The following CLEC4C variants were observed in gnomAD, a reference collection of about 807,000 sequenced individuals.
CLEC4C encodes the protein C-type lectin domain family 4 member C, also known as C-type (calcium dependent, carbohydrate-recognition domain) lectin, superfamily member 11.
Under a neutral mutation model 27.7 loss-of-function variants are expected in CLEC4C, and 17 were observed. The observed-to-expected ratio is 0.61, with a 90% CI of 0.42 to 0.92. The LOEUF (loss-of-function observed/expected upper bound fraction) is 0.92, where lower values mean the gene tolerates loss of function less well. CLEC4C is among the 40% of genes least tolerant of loss of function. The pLI is 0.00. For missense variants in CLEC4C, 244 were observed against 257.3 expected (o/e 0.95, Z 0.35); for synonymous variants, 80 against 80.8 (o/e 0.99, Z 0.06).
At chr12:7,736,903 AAAAT>A (rs533526930) in intron 4 of CLEC4C, among the ~76,000 whole-genome samples, 2 of 151,730 alleles carry the variant, frequency 1.3e-5, no homozygotes, top group East Asian at 1.9e-4. Context: ...ACTCCGTCTC[AAAAT>A]AAATAAATAA....
rs1321400876 is a variant in CLEC4C, at chr12:7,741,478, C to G, written c.178G>C (p.Glu60Gln). Reference sequence around the variant, plus strand: ...AGGCTTGGATGATACTGTTGATACTCTCGTAACTTGGACAGCCTCTTGACA... The same window carrying G: ...AGGCTTGGATGATACTGTTGATACTGTCGTAACTTGGACAGCCTCTTGACA... ...KTVKRLSKLR[E>Q]YQQYHPSLTC... Residue 60 changes from glutamate to glutamine, a missense_variant, in exon 3 of 6, where the codon GAG (glutamate) becomes CAG (glutamine). Glu to Gln is a conservative substitution (Grantham distance 29, BLOSUM62 2). Coordinates refer to ENST00000360345, the MANE Select transcript of CLEC4C (RefSeq NM_001371390.1). 12 of 1,613,100 alleles carry G rather than the reference C, an allele frequency of 7.4e-6. No individual in the cohort carries two copies. Among genetic ancestry groups the G allele is most frequent in the South Asian group, 1.1e-5 (1 of 91,070 alleles).
intron 2 of CLEC4C, among the ~76,000 whole-genome samples, chr12:7,743,318 C>A (rs1565463561): frequency 2.6e-5 from 4 of 151,910 alleles, no homozygotes; most frequent in African/African-American, 9.7e-5. Flanking sequence ...AAAACGGTCT[C>A]TTTTGTTCAC....
At chr12:7,729,784 T>G in intron 5 of CLEC4C, 44 bp from the exon 6 acceptor site, 1 of 1,599,258 alleles carries the variant, frequency 6.3e-7, no homozygotes, top group Non-Finnish European at 8.6e-7. Flanking sequence ...AACCGTGGTT[T>G]GGAAAAGGTT....
rs774115262 is a variant in CLEC4C, at chr12:7,729,632, CTGAGGTACA to C, written c.597_605del (p.His199_Pro201del). ...TCTTCTTCATCTTGCAAATTGACTT[CTGAGGTACA>C]TGACAGTGAATGTCATTCCAGCCCC... On this transcript the variant is annotated inframe_deletion, in exon 6 of 6. Transcript: ENST00000360345. The C allele has an allele frequency of 1.9e-6, 3 of 1,613,706 alleles. No homozygotes were observed. The African/African-American group carries it at 4.0e-5, about 22-fold the overall frequency.
At chr12:7,748,753 C>T (rs768014787), upstream of CLEC4C, among the ~76,000 whole-genome samples, 13 of 152,108 alleles carry the variant, frequency 8.5e-5, no homozygotes, top group Admixed American at 8.5e-4. Flanking sequence ...GAGGGTATTC[C>T]TTTGAGTATA....
Position 7,746,441 on chromosome 12 carries a change from C to A in CLEC4C, c.32-18G>T. On this transcript the variant is annotated intron_variant, in intron 1 of 5. Coordinates refer to ENST00000360345, the MANE Select transcript of CLEC4C (RefSeq NM_001371390.1). ...TCCTTTCTCTGTCAGATCAGCATGA[C>A]AAATGCACAGTCATAATCCCCACTG... 6.5e-7 allele frequency: 1 copy of A among 1,542,560 alleles called. No individual in the cohort carries two copies. The highest frequency in any genetic ancestry group is 9.0e-7 in the Non-Finnish European group (1 of 1,115,684).
intron 2 of CLEC4C, among the ~76,000 whole-genome samples, chr12:7,743,998 G>A (rs754001969): frequency 6.6e-6 from 1 of 152,194 alleles, no homozygotes; most frequent in Non-Finnish European, 1.5e-5. Flanking sequence ...GGCAAGAGAG[G>A]GTGCAAGAGA....
intron 2 of CLEC4C, among the ~76,000 whole-genome samples, chr12:7,745,139 C>T (rs6488616): frequency 0.22 from 33,220 of 151,966 alleles, 4,331 homozygotes; most frequent in Admixed American, 0.31. Context: ...ATGGAAGTCC[C>T]AAGCTCCAAT....
At chr12:7,730,325 A>G (rs983598047) in intron 5 of CLEC4C, among the ~76,000 whole-genome samples, 3 of 152,010 alleles carry the variant, frequency 2.0e-5, no homozygotes, top group Admixed American at 1.3e-4. Context: ...ATCTGTACTA[A>G]AGTGCTTTAA....
chr12:7,735,136 G>A (rs1416409602), intron 4 of CLEC4C, among the ~76,000 whole-genome samples: 2 of 151,244 alleles, frequency 1.3e-5, no homozygotes, highest in African/African-American at 4.9e-5. Context: ...AGAAGTCAGA[G>A]GTTGCAGTGA....
upstream of CLEC4C, among the ~76,000 whole-genome samples, chr12:7,748,114 G>A (rs1865026712): frequency 6.6e-6 from 1 of 152,096 alleles, no homozygotes; most frequent in African/African-American, 2.4e-5. Flanking sequence ...CTACTCAAAT[G>A]GAGATGTTTG....
At chr12:7,742,830 T>C (rs1486589511) in intron 2 of CLEC4C, among the ~76,000 whole-genome samples, 2 of 90,204 alleles carry the variant, frequency 2.2e-5, no homozygotes, top group Non-Finnish European at 5.7e-5. Flanking sequence ...AATAAATAAA[T>C]AAATAAATAA....
Position 7,737,425 on chromosome 12 carries a change from A to G in CLEC4C, c.381+4T>C. The G allele has an allele frequency of 6.2e-7, 1 of 1,609,354 alleles. No homozygotes were observed. The highest frequency in any genetic ancestry group is 1.3e-5 in the African/African-American group (1 of 74,764). ...AGCTGACCACCTTGCCTGTTAGAAC[A>G]TACCTGTTCTTCCCTGGTGTTGATC... On this transcript the variant is annotated splice_donor_region_variant and intron_variant, in intron 4 of 5. Coordinates refer to ENST00000360345, the MANE Select transcript of CLEC4C (RefSeq NM_001371390.1).
At chr12:7,740,639 T>C (rs1864831259) in intron 3 of CLEC4C, among the ~76,000 whole-genome samples, 1 of 150,906 alleles carries the variant, frequency 6.6e-6, no homozygotes, top group South Asian at 2.1e-4. Flanking sequence ...AGGCAGAGGT[T>C]GCAGTGAGCC....
intron 3 of CLEC4C, among the ~76,000 whole-genome samples, chr12:7,738,137 G>T (rs1370104191): frequency 3.3e-5 from 5 of 152,092 alleles, no homozygotes; most frequent in Admixed American, 2.6e-4. Context: ...ATATCATTTA[G>T]AGTTTAGCAT....
At chr12:7,748,218 A>C (rs936269253), upstream of CLEC4C, among the ~76,000 whole-genome samples, 2 of 152,152 alleles carry the variant, frequency 1.3e-5, no homozygotes, top group African/African-American at 4.8e-5. Flanking sequence ...CTGAGATTTA[A>C]TTGTAGAGTA....
At chr12:7,741,386 CAAGGG>C in intron 3 of CLEC4C, 30 bp downstream of exon 3, 1 of 1,124,202 alleles carries the variant, frequency 8.9e-7, no homozygotes, top group South Asian at 1.2e-5. Context: ...TGATTAATAG[CAAGGG>C]AAGTCTTGTT....
intron 4 of CLEC4C, among the ~76,000 whole-genome samples, chr12:7,733,158 C>T (rs1486016214): frequency 6.6e-6 from 1 of 151,780 alleles, no homozygotes; most frequent in Non-Finnish European, 1.5e-5. Flanking sequence ...AAACGTCACA[C>T]AACTAATAAA....
At chr12:7,747,508 A>T, upstream of CLEC4C, 1 of 651,206 alleles carries the variant, frequency 1.5e-6, no homozygotes, top group Non-Finnish European at 2.8e-6. Context: ...GATGTGACTT[A>T]GGAGACTCTG....
Sources: gnomAD v4.1 joint callset for allele counts (sites outside exome capture counted in the v4.1 genomes callset) on GRCh38, gnomAD v4.1.1 for gene constraint, MANE v1.5 for transcripts, NCBI Gene and HGNC (gene_info 2026-07-23, HGNC 2026-07-21) for gene names.